VPS13C: variants seen among roughly 807,000 people sequenced by gnomAD.
The protein encoded by VPS13C is vacuolar protein sorting 13 homolog C.
Under a neutral mutation model 456.8 loss-of-function variants are expected in VPS13C, and 358 were observed. The observed-to-expected ratio is 0.78, with a 90% CI of 0.72 to 0.86. VPS13C has a LOEUF of 0.86. Among genes scored for constraint, VPS13C ranks in the 40% least tolerant of loss-of-function variants. The pLI is 0.00. For synonymous variants in VPS13C, 1,578 were observed against 1,486.7 expected (o/e 1.06, Z -1.41); for missense variants, 4,818 against 4,385.4 (o/e 1.10, Z -2.79).
At chr15:62,014,119 C>A in intron 9 of VPS13C, 127 bp from the exon 10 acceptor site, 1 of 518,594 alleles carries the variant, frequency 1.9e-6, no homozygotes, top group Non-Finnish European at 3.4e-6. Context: ...CTAGTATTAG[C>A]TATCTATTTC....
intron 18 of VPS13C, among the ~76,000 whole-genome samples, chr15:61,986,151 G>A (rs1291378218): frequency 6.7e-6 from 1 of 149,008 alleles, no homozygotes; most frequent in African/African-American, 2.5e-5. Context: ...ACACAGACAG[G>A]CTCACTAGAT....
At chr15:62,052,089 A>C (rs1193692170) in intron 1 of VPS13C, among the ~76,000 whole-genome samples, 2 of 152,242 alleles carry the variant, frequency 1.3e-5, no homozygotes, top group East Asian at 1.9e-4. Context: ...AATATAAAAC[A>C]TAGAGGTTAA....
chr15:61,900,289 A>G (rs1463447875), intron 66 of VPS13C, among the ~76,000 whole-genome samples: 2 of 152,214 alleles, frequency 1.3e-5, no homozygotes, highest in African/African-American at 4.8e-5. Context: ...AAGGAACTAA[A>G]GGGTATTCAA....
At position 62,033,434 on chromosome 15, in the gene VPS13C, T is replaced by C. The variant is rs761388955; in HGVS notation, c.385+7A>G. The C allele has an allele frequency of 1.3e-6, 2 of 1,588,942 alleles. No individual in the cohort carries two copies. The highest frequency in any genetic ancestry group is 2.3e-5 in the South Asian group (2 of 87,220). On this transcript the variant is annotated splice_region_variant and intron_variant, in intron 5 of 84. Transcript: ENST00000644861. ...ATGTCTAAGTTTATCTCAAAAAAACTTTTTACCTTTTTCTGCTGCTTTTTG... is the reference window on the plus strand; with the variant it reads ...ATGTCTAAGTTTATCTCAAAAAAACCTTTTACCTTTTTCTGCTGCTTTTTG...
chr15:61,983,877 A>G lies in VPS13C; in HGVS notation c.1857T>C (p.Ser619=). Residue 619 remains serine (S), a synonymous_variant, in exon 20 of 85, where the codon AGT becomes AGC. Coordinates refer to ENST00000644861, the MANE Select transcript of VPS13C (RefSeq NM_020821.3). The part of the protein sequence containing the change: ...KIKFETNPED[S]PADQTLIVQS... ...GAACAATCAGAGTCTGGTCAGCAGGACTATCCTCCGGATTGGTTTCAAATT... is the reference window on the plus strand; with the variant it reads ...GAACAATCAGAGTCTGGTCAGCAGGGCTATCCTCCGGATTGGTTTCAAATT... The G allele has an allele frequency of 6.2e-7, 1 of 1,614,138 alleles. No individual in the cohort carries two copies. The highest frequency in any genetic ancestry group is 1.1e-5 in the South Asian group (1 of 91,084).
At chr15:61,981,653 G>T (rs898388885) in intron 21 of VPS13C, among the ~76,000 whole-genome samples, 175 bp from the exon 22 acceptor site, 3 of 152,160 alleles carry the variant, frequency 2.0e-5, no homozygotes, top group African/African-American at 7.2e-5. Flanking sequence ...GAGGTCAGGA[G>T]ATCGAGACCA....
At chr15:61,978,874 C>A (rs577475491) in intron 22 of VPS13C, 125 bp from the exon 23 acceptor site, 20 of 799,518 alleles carry the variant, frequency 2.5e-5, no homozygotes, top group Non-Finnish European at 3.5e-5. Context: ...AAATACTGCT[C>A]TTAATGAATA....
At chr15:61,889,309 T>C (rs11071635) in intron 67 of VPS13C, among the ~76,000 whole-genome samples, 87,617 of 151,748 alleles carry the variant, frequency 0.58, 25,519 homozygotes, top group Admixed American at 0.64. Flanking sequence ...GAATGCATTG[T>C]CTATCTACAT....
At chr15:61,889,815 T>C (rs1270788428) in intron 67 of VPS13C, among the ~76,000 whole-genome samples, 3 of 152,174 alleles carry the variant, frequency 2.0e-5, no homozygotes, top group Non-Finnish European at 2.9e-5. Context: ...ACTTCCACTG[T>C]GCATGTACAT....
chr15:61,945,810 CCT>C lies in VPS13C; in HGVS notation c.5051_5052del (p.Glu1684GlyfsTer4), dbSNP rs1277214230. ...TCTACTTTGGACATATCAGCATAGG[CCT>C]CTCCTTCTGTGGCATCTGGATAAAG... ...LTLYPDATEGEAYADMSKVDG... is the reference protein window; with the variant it reads ...LTLYPDATEGXAYADMSKVDG... On this transcript the variant is annotated frameshift_variant, in exon 45 of 85. Transcript: ENST00000644861. LOFTEE classifies it high-confidence loss of function. The C allele has an allele frequency of 6.2e-7, 1 of 1,613,434 alleles. No homozygotes were observed. The highest frequency in any genetic ancestry group is 8.5e-7 in the Non-Finnish European group (1 of 1,179,718).
At chr15:62,015,359 T>C (rs2047195214) in intron 9 of VPS13C, among the ~76,000 whole-genome samples, 1 of 152,142 alleles carries the variant, frequency 6.6e-6, no homozygotes, top group Admixed American at 6.6e-5. Context: ...TTGAGTTTAA[T>C]TAGATCCCAT....
At chr15:61,944,400 T>C (rs761173485) in intron 45 of VPS13C, among the ~76,000 whole-genome samples, 1 of 151,936 alleles carries the variant, frequency 6.6e-6, no homozygotes, top group Admixed American at 6.6e-5. Context: ...CCATCAACAG[T>C]GGACTAGATA....
At chr15:62,014,022 C>T (rs768942328) in intron 9 of VPS13C, 30 bp from the exon 10 acceptor site, 34 of 1,560,184 alleles carry the variant, frequency 2.2e-5, no homozygotes, top group Non-Finnish European at 2.5e-5. Context: ...ACCTGTGAAA[C>T]GTGGTATGGA....
intron 16 of VPS13C, among the ~76,000 whole-genome samples, chr15:61,992,932 G>C (rs2046269792): frequency 6.6e-6 from 1 of 151,906 alleles, no homozygotes; most frequent in African/African-American, 2.4e-5. Flanking sequence ...GAACCACTGA[G>C]ATGACAACAA....
intron 46 of VPS13C, 46 bp from the exon 47 acceptor site, chr15:61,940,840 T>C (rs759442939): frequency 3.6e-5 from 56 of 1,565,062 alleles, no homozygotes; most frequent in African/African-American, 5.4e-5. Context: ...ATTTACATTT[T>C]AAAATGAGGA....
chr15:61,995,899 T>G (rs1002756039), intron 16 of VPS13C, among the ~76,000 whole-genome samples: 1 of 152,178 alleles, frequency 6.6e-6, no homozygotes, highest in Non-Finnish European at 1.5e-5. Flanking sequence ...TATACAGACA[T>G]AGAAAACTAC....
chr15:61,915,650 T>C lies in VPS13C; in HGVS notation c.8428A>G (p.Ile2810Val), dbSNP rs373019575. 5.6e-6 allele frequency: 9 copies of C among 1,594,964 alleles called. No homozygotes were observed. The highest frequency in any genetic ancestry group is 2.2e-5 in the East Asian group (1 of 44,816). The change falls in exon 61 of 85, where the codon ATT (isoleucine) becomes GTT (valine). Residue 2810 changes from isoleucine to valine, a missense_variant. Around this residue, in one of 3 missense-constraint regions of VPS13C, gnomAD observed 4,552 missense variants for 4,130.6 expected, o/e 1.10. Coordinates refer to ENST00000644861, the MANE Select transcript of VPS13C (RefSeq NM_020821.3). ...AACCACACCTTATTTTTAGTAAAAA[T>C]GTTCTTCTTCTTGAAAGAAAATAAA... ...IILFSFKKKN[I>V]FTKNKVQLKI...
At chr15:61,952,646 T>C (rs2044840071) in intron 38 of VPS13C, among the ~76,000 whole-genome samples, 1 of 152,182 alleles carries the variant, frequency 6.6e-6, no homozygotes, top group Admixed American at 6.6e-5. Context: ...AAGTTTAACA[T>C]ATAACATCAA....
At chr15:62,030,444 C>G (rs2047775183) in intron 5 of VPS13C, among the ~76,000 whole-genome samples, 1 of 152,000 alleles carries the variant, frequency 6.6e-6, no homozygotes, top group South Asian at 2.1e-4. Flanking sequence ...TGACTGAAAG[C>G]TTTCTGAGGC....
Sources: allele counts gnomAD v4.1 joint callset (sites outside exome capture counted in the v4.1 genomes callset), GRCh38; gene constraint gnomAD v4.1.1; regional missense constraint gnomAD v4.1.1; transcripts MANE v1.5; gene names NCBI Gene and HGNC (gene_info 2026-07-23, HGNC 2026-07-21).